The following CAMTA1 variants were observed in gnomAD, a reference collection of about 807,000 sequenced individuals.
CAMTA1 encodes calmodulin binding transcription activator 1.
A neutral mutation model predicts 170.9 loss-of-function variants in CAMTA1; 27 were observed. The observed-to-expected ratio is 0.16, with a 90% CI of 0.12 to 0.22. The LOEUF is 0.22. Among genes scored for constraint, CAMTA1 ranks in the 10% least tolerant of loss-of-function variants. The pLI, the probability that CAMTA1 is intolerant of heterozygous loss-of-function variation, is 1.00. For missense variants in CAMTA1, 1,619 were observed against 2,217.2 expected (o/e 0.73, Z 5.42); for synonymous variants, 833 against 891.5 (o/e 0.93, Z 1.17).
intron 4 of CAMTA1, among the ~76,000 whole-genome samples, chr1:7,118,108 A>G (rs575177734): frequency 6.7e-4 from 102 of 152,198 alleles, no homozygotes; most frequent in Admixed American, 3.5e-3. Flanking sequence ...CCGTCGCTCA[A>G]ATCCTCATGC....
chr1:6,821,350 G>T (rs752331338), intron 2 of CAMTA1, among the ~76,000 whole-genome samples: 1 of 152,126 alleles, frequency 6.6e-6, no homozygotes, highest in Non-Finnish European at 1.5e-5. Context: ...GTTAGTAATG[G>T]CTGTATTTGC....
chr1:7,301,605 C>T (rs944108790), intron 5 of CAMTA1, among the ~76,000 whole-genome samples: 3 of 152,082 alleles, frequency 2.0e-5, no homozygotes, highest in Admixed American at 6.6e-5. Flanking sequence ...AACCAGATCT[C>T]GGGGGAGTCT....
chr1:6,797,996 A>ATTT (rs375770205), intron 1 of CAMTA1, among the ~76,000 whole-genome samples: 4 of 141,738 alleles, frequency 2.8e-5, no homozygotes, highest in Non-Finnish European at 4.6e-5. Context: ...GAAGAAAGGA[A>ATTT]TTTTTTTTTT....
intron 11 of CAMTA1, among the ~76,000 whole-genome samples, chr1:7,690,635 G>C (rs115509968): frequency 0.016 from 2,466 of 152,318 alleles, 30 homozygotes; most frequent in Middle Eastern, 0.075. Context: ...CACCAGGAGG[G>C]ACAGCAGCTG....
chr1:7,316,619 TA>T (rs1189426641), intron 5 of CAMTA1, among the ~76,000 whole-genome samples: 1 of 152,244 alleles, frequency 6.6e-6, no homozygotes, highest in Admixed American at 6.5e-5. Flanking sequence ...TTCGTTCATT[TA>T]GTCGCAGATG....
intron 3 of CAMTA1, among the ~76,000 whole-genome samples, chr1:6,989,461 A>T (rs914961650): frequency 6.6e-6 from 1 of 152,258 alleles, no homozygotes; most frequent in Non-Finnish European, 1.5e-5. Context: ...GGTCCAACTT[A>T]TCTCTTTAGA....
intron 4 of CAMTA1, among the ~76,000 whole-genome samples, chr1:7,094,234 A>T (rs1449297519): frequency 6.6e-6 from 1 of 152,140 alleles, no homozygotes; most frequent in African/African-American, 2.4e-5. Flanking sequence ...TTCCTAAATT[A>T]GTTGTTGAGT....
chr1:6,880,149 A>G (rs1344594214), intron 3 of CAMTA1, among the ~76,000 whole-genome samples: 1 of 151,902 alleles, frequency 6.6e-6, no homozygotes. Context: ...CCTGGAGTTC[A>G]GTGGCACGAT....
intron 5 of CAMTA1, among the ~76,000 whole-genome samples, chr1:7,306,624 C>T (rs1220542169): frequency 6.6e-6 from 1 of 151,894 alleles, no homozygotes; most frequent in African/African-American, 2.4e-5. Flanking sequence ...AATTACTTTG[C>T]CTTTCAGTAT....
chr1:7,600,938 C>T (rs559965122), intron 6 of CAMTA1, among the ~76,000 whole-genome samples: 3 of 151,856 alleles, frequency 2.0e-5, no homozygotes, highest in South Asian at 4.2e-4. Flanking sequence ...CACCTTTCCC[C>T]CCTTTCTATT....
chr1:7,383,109 A>G (rs1443106244), intron 5 of CAMTA1, among the ~76,000 whole-genome samples: 2 of 152,210 alleles, frequency 1.3e-5, no homozygotes, highest in Non-Finnish European at 2.9e-5. Context: ...CATAAAAATC[A>G]AGGGCATGCT....
intron 4 of CAMTA1, among the ~76,000 whole-genome samples, chr1:7,207,059 T>C (rs988984138): frequency 6.6e-6 from 1 of 152,246 alleles, no homozygotes; most frequent in Non-Finnish European, 1.5e-5. Context: ...AAACACTTTA[T>C]TAGCTGAGAA....
At chr1:7,022,790 C>T (rs1403588842) in intron 3 of CAMTA1, among the ~76,000 whole-genome samples, 1 of 152,168 alleles carries the variant, frequency 6.6e-6, no homozygotes, top group Admixed American at 6.5e-5. Context: ...AGTCAAGATG[C>T]CAACTATGCA....
At chr1:7,215,285 G>A (rs529479064) in intron 4 of CAMTA1, among the ~76,000 whole-genome samples, 9 of 152,058 alleles carry the variant, frequency 5.9e-5, no homozygotes, top group East Asian at 3.9e-4. Context: ...TTTGAGCTTA[G>A]AATTTTAAAA....
chr1:7,141,154 G>T (rs1040101363), intron 4 of CAMTA1, among the ~76,000 whole-genome samples: 6 of 152,084 alleles, frequency 3.9e-5, no homozygotes, highest in African/African-American at 1.4e-4. Flanking sequence ...GCCTTTGGTT[G>T]GTCATACCTT....
chr1:7,621,422 A>G (rs1292209670), intron 6 of CAMTA1, among the ~76,000 whole-genome samples: 1 of 152,214 alleles, frequency 6.6e-6, no homozygotes, highest in Non-Finnish European at 1.5e-5. Context: ...GGCTCCTGAG[A>G]CATTTGCTAA....
chr1:7,665,272 A>T lies in CAMTA1; in HGVS notation c.2652+73A>T, dbSNP rs1482476680. The T allele has an allele frequency of 1.6e-6, 2 of 1,282,950 alleles. No homozygotes were observed. Among genetic ancestry groups the T allele is most frequent in the African/African-American group, 1.5e-5 (1 of 67,228 alleles). 79.5% of individuals were successfully genotyped at this position (1,282,950 alleles called of 1,614,324 possible). Reference sequence around the variant, plus strand: ...CTCGCCAGCCCCTGCGCCACCCTGCAGCTAAGGGATGCCTGTGGCTGCCCT... The same window carrying T: ...CTCGCCAGCCCCTGCGCCACCCTGCTGCTAAGGGATGCCTGTGGCTGCCCT... On this transcript the variant is annotated intron_variant, in intron 9 of 22. Transcript: ENST00000303635. The surrounding 1 kb of genome is among the most constrained non-coding windows in gnomAD (Gnocchi z 4.3).
At chr1:7,477,900 T>C (rs1557778676) in intron 6 of CAMTA1, among the ~76,000 whole-genome samples, 1 of 152,198 alleles carries the variant, frequency 6.6e-6, no homozygotes. Context: ...ATCAGGAAAG[T>C]CTTCCTCCTG....
chr1:7,369,135 T>C (rs1476474951), intron 5 of CAMTA1: 2 of 152,082 alleles, frequency 1.3e-5, no homozygotes, highest in East Asian at 3.9e-4. Flanking sequence ...GTGTCCTCAG[T>C]GAGGATGGTC....
Sources: gnomAD v4.1 joint callset for allele counts (sites outside exome capture counted in the v4.1 genomes callset) on GRCh38, gnomAD v4.1.1 for gene constraint, Gnocchi (gnomAD v3.1) non-coding constraint, MANE v1.5 for transcripts, NCBI Gene and HGNC (gene_info 2026-07-23, HGNC 2026-07-21) for gene names.